CRPPA: variants seen among roughly 807,000 people sequenced by gnomAD.
CRPPA encodes the protein CDP-L-ribitol pyrophosphorylase A.
In CRPPA, 43 loss-of-function variants were observed where a neutral mutation model predicts 52.0. The observed-to-expected ratio is 0.83, with a 90% CI of 0.65 to 1.07. CRPPA has a LOEUF of 1.07. CRPPA is among the 50% of genes least tolerant of loss of function. The pLI is 0.00. For missense variants in CRPPA, 629 were observed against 551.7 expected (o/e 1.14, Z -1.40); for synonymous variants, 250 against 203.5 (o/e 1.23, Z -1.94).
At chr7:16,154,013 A>G (rs1476180284) in intron 9 of CRPPA, among the ~76,000 whole-genome samples, 2 of 151,108 alleles carry the variant, frequency 1.3e-5, no homozygotes, top group African/African-American at 4.9e-5. Flanking sequence ...CCTTTCATTG[A>G]ACAAATTGTT....
intron 8 of CRPPA, among the ~76,000 whole-genome samples, chr7:16,239,058 G>C (rs1783029306): frequency 6.8e-6 from 1 of 147,352 alleles, no homozygotes; most frequent in Non-Finnish European, 1.5e-5. Context: ...AGAATTGCTT[G>C]AACTGTGAGG....
intron 9 of CRPPA, among the ~76,000 whole-genome samples, chr7:16,206,220 C>T (rs1781970817): frequency 6.6e-6 from 1 of 152,004 alleles, no homozygotes; most frequent in African/African-American, 2.4e-5. Flanking sequence ...CCTTACTTTA[C>T]AGTAAGAATG....
intron 9 of CRPPA, among the ~76,000 whole-genome samples, chr7:16,167,524 T>C (rs1012374996): frequency 6.6e-6 from 1 of 152,186 alleles, no homozygotes; most frequent in Non-Finnish European, 1.5e-5. Flanking sequence ...TGGGTCCAAA[T>C]TGCCAGGTCC....
chr7:16,203,100 T>G (rs148864042), intron 9 of CRPPA, among the ~76,000 whole-genome samples: 1 of 152,224 alleles, frequency 6.6e-6, no homozygotes, highest in Admixed American at 6.5e-5. Flanking sequence ...TAAGGTCCCC[T>G]GAAAATCTGA....
intron 8 of CRPPA, chr7:16,237,454 T>C (rs2128405041): frequency 6.6e-6 from 1 of 152,212 alleles, no homozygotes; most frequent in African/African-American, 2.4e-5. Flanking sequence ...GGCATTAATC[T>C]CATTGATGAG....
chr7:16,399,599 G>T (rs1328081809), intron 2 of CRPPA, among the ~76,000 whole-genome samples: 1 of 151,974 alleles, frequency 6.6e-6, no homozygotes, highest in African/African-American at 2.4e-5. Flanking sequence ...TTACACGATT[G>T]GCATGTGTCC....
rs755810682 is a variant in CRPPA at position 16,216,059 on chromosome 7, T to A, written c.1251+7A>T. On this transcript the variant is annotated splice_region_variant and intron_variant, in intron 9 of 9. Transcript: ENST00000407010. ...ACATACATTCGGAAGATAAACATTT[T>A]ACCTACCTGTGGGTAAGATATGAGA... 3.2e-6 allele frequency: 5 copies of A among 1,574,618 alleles called. No individual in the cohort carries two copies. In the African/African-American group the frequency reaches 5.5e-5, roughly 17 times the overall value.
chr7:16,379,939 G>A (rs1427295839), intron 2 of CRPPA, among the ~76,000 whole-genome samples: 3 of 152,016 alleles, frequency 2.0e-5, no homozygotes, highest in East Asian at 3.9e-4. Flanking sequence ...CTGCAAACAG[G>A]GACAATTTGA....
intron 9 of CRPPA, among the ~76,000 whole-genome samples, chr7:16,172,429 G>C (rs17169301): frequency 0.061 from 9,229 of 152,214 alleles, 362 homozygotes; most frequent in East Asian, 0.13. Context: ...AATACAGGGA[G>C]TCTAGAAGGA....
At chr7:16,314,088 A>T (rs1467383937) in intron 3 of CRPPA, among the ~76,000 whole-genome samples, 1 of 151,974 alleles carries the variant, frequency 6.6e-6, no homozygotes, top group Non-Finnish European at 1.5e-5. Context: ...CCCATTTCTG[A>T]CAGAGGGGTG....
At position 16,244,670 on chromosome 7, in the gene CRPPA, C is replaced by T. The variant is rs189921940; in HGVS notation, c.1119+13720G>A. On this transcript the variant is annotated intron_variant, in intron 8 of 9. Transcript: ENST00000407010. ...GTTCTTGTAGAGTAAAAAGTGATGA[C>T]GCTGCAAATGACAACCTTAACTAGT... Among the ~76,000 whole-genome samples, 491 of 152,242 alleles carry T rather than the reference C, an allele frequency of 3.2e-3. 9 individuals carry two copies. The highest frequency in any genetic ancestry group is 0.026 in the Admixed American group (395 of 15,282).
At chr7:16,195,759 C>A (rs1389100074) in intron 9 of CRPPA, among the ~76,000 whole-genome samples, 1 of 152,134 alleles carries the variant, frequency 6.6e-6, no homozygotes, top group Non-Finnish European at 1.5e-5. Context: ...CACTTCCATT[C>A]TTGCCATCAT....
intron 1 of CRPPA, among the ~76,000 whole-genome samples, chr7:16,413,103 C>T (rs1199276003): frequency 2.0e-5 from 3 of 152,126 alleles, no homozygotes; most frequent in Non-Finnish European, 4.4e-5. Flanking sequence ...GCAGCCTTCA[C>T]GGAAACTTGG....
chr7:16,173,731 G>GA (rs1047898130), intron 9 of CRPPA, among the ~76,000 whole-genome samples: 4 of 152,046 alleles, frequency 2.6e-5, no homozygotes, highest in African/African-American at 9.7e-5. Flanking sequence ...GATCCCTACA[G>GA]AAAAAATGGT....
At chr7:16,226,655 C>T (rs1164253899) in intron 8 of CRPPA, among the ~76,000 whole-genome samples, 1 of 151,916 alleles carries the variant, frequency 6.6e-6, no homozygotes, top group Admixed American at 6.6e-5. Flanking sequence ...ATAGTGGCTA[C>T]CACATATAAA....
At chr7:16,209,271 G>GTTTTTTTTTTTTTTTTTTTTT (rs1316167969) in intron 9 of CRPPA, 39 of 137,762 alleles carry the variant, frequency 2.8e-4, no homozygotes, top group Non-Finnish European at 4.9e-4. Context: ...GGTTCTAAGT[G>GTTTTTTTTTTTTTTTTTTTTT]TCTTTTTTTT....
intron 3 of CRPPA, among the ~76,000 whole-genome samples, chr7:16,361,457 C>A (rs1438950580): frequency 6.6e-6 from 1 of 152,116 alleles, no homozygotes; most frequent in Non-Finnish European, 1.5e-5. Flanking sequence ...TAGAAGTAAC[C>A]CAAGTGTGTC....
At chr7:16,098,214 G>A (rs1453699364) in intron 9 of CRPPA, among the ~76,000 whole-genome samples, 1 of 152,076 alleles carries the variant, frequency 6.6e-6, no homozygotes, top group Non-Finnish European at 1.5e-5. Flanking sequence ...AAATCTTTAT[G>A]GACAAGCTGA....
At chr7:16,188,305 C>T (rs28637479) in intron 9 of CRPPA, among the ~76,000 whole-genome samples, 4,346 of 151,870 alleles carry the variant, frequency 0.029, 207 homozygotes, top group African/African-American at 0.1. Context: ...GTCAGAACAA[C>T]GAGAACAAAT....
Sources: gnomAD v4.1 joint callset for allele counts (sites outside exome capture counted in the v4.1 genomes callset) on GRCh38, gnomAD v4.1.1 for gene constraint, MANE v1.5 for transcripts, NCBI Gene and HGNC (gene_info 2026-07-23, HGNC 2026-07-21) for gene names.